Variants in KCNQ5 observed in about 807,000 individuals in gnomAD.
The protein encoded by KCNQ5 is potassium voltage-gated channel subfamily Q member 5.
In KCNQ5, 30 loss-of-function variants were observed where a neutral mutation model predicts 98.2. The ratio of observed to expected loss-of-function variants is 0.31; its 90% CI spans 0.23 to 0.41. KCNQ5 has a LOEUF of 0.41. Among genes scored for constraint, KCNQ5 ranks in the 10% least tolerant of loss-of-function variants. The pLI, the probability that KCNQ5 is intolerant of heterozygous loss-of-function variation, is 1.00. For synonymous variants in KCNQ5, 458 were observed against 449.4 expected, an observed-to-expected ratio of 1.02 and a Z score of -0.24; for missense variants, 835 against 1,182.5, an observed-to-expected ratio of 0.71 and a Z score of 4.31.
intron 10 of KCNQ5, among the ~76,000 whole-genome samples, chr6:73,166,193 G>A (rs1777787879): frequency 6.6e-6 from 1 of 152,048 alleles, no homozygotes; most frequent in Non-Finnish European, 1.5e-5. Context: ...AGCACTTTGG[G>A]AGGCCAAGGC....
intron 1 of KCNQ5, among the ~76,000 whole-genome samples, chr6:72,941,053 T>C (rs992234103): frequency 7.9e-5 from 12 of 152,224 alleles, no homozygotes; most frequent in African/African-American, 2.6e-4. Flanking sequence ...GATTCAGAAA[T>C]CCCTGTTCCA....
chr6:73,110,350 C>T (rs1032582083), intron 6 of KCNQ5, among the ~76,000 whole-genome samples: 4 of 152,128 alleles, frequency 2.6e-5, no homozygotes, highest in South Asian at 2.1e-4. Flanking sequence ...GCTCCAAAAG[C>T]CAACCCAAGG....
chr6:72,879,055 A>T (rs9342981), intron 1 of KCNQ5, among the ~76,000 whole-genome samples: 2 of 152,016 alleles, frequency 1.3e-5, no homozygotes, highest in African/African-American at 4.8e-5. Context: ...ATTTTTGACT[A>T]TAAGAGACAA....
At chr6:72,949,849 A>G (rs1278455037) in intron 1 of KCNQ5, among the ~76,000 whole-genome samples, 1 of 152,126 alleles carries the variant, frequency 6.6e-6, no homozygotes, top group East Asian at 1.9e-4. Flanking sequence ...CCCCCAATAA[A>G]CTAAATTTTT....
chr6:73,055,366 G>A, intron 3 of KCNQ5: 1 of 1,461,664 alleles, frequency 6.8e-7, no homozygotes, highest in South Asian at 1.1e-5. Context: ...AGCACTATGG[G>A]GCTCTAGCCG....
intron 1 of KCNQ5, among the ~76,000 whole-genome samples, chr6:72,740,128 C>T (rs1771054164): frequency 6.6e-6 from 1 of 152,206 alleles, no homozygotes; most frequent in South Asian, 2.1e-4. Flanking sequence ...CAATAAGTTT[C>T]AGTGTCTTCC....
intron 1 of KCNQ5, among the ~76,000 whole-genome samples, chr6:72,754,170 C>T (rs1771837397): frequency 6.6e-6 from 1 of 152,004 alleles, no homozygotes; most frequent in South Asian, 2.1e-4. Flanking sequence ...ACTTAAGGTG[C>T]CTTTTTTCAG....
In KCNQ5 at chr6:73,025,623, CAAAAAAAAAAA is replaced by C. The variant is rs58607159; in HGVS notation, c.490-16287_490-16277del. On this transcript the variant is annotated intron_variant, in intron 2 of 13. Coordinates refer to ENST00000370398, the MANE Select transcript of KCNQ5 (RefSeq NM_019842.4). ...GGGCGACAAGAGCAAAACTCCATCT[CAAAAAAAAAAA>C]AAAAAAAAAAAAAAAAAAAAAAAAA... 2.1e-3 allele frequency among the ~76,000 whole-genome samples: 113 copies of C among 52,962 alleles called. 1 individual carries two copies. Among genetic ancestry groups the C allele is most frequent in the South Asian group, 5.3e-3 (6 of 1,126 alleles). 34.7% of individuals were successfully genotyped at this position (52,962 alleles called of 152,430 possible).
At chr6:72,768,370 G>A (rs1039975810) in intron 1 of KCNQ5, among the ~76,000 whole-genome samples, 1 of 151,882 alleles carries the variant, frequency 6.6e-6, no homozygotes, top group African/African-American at 2.4e-5. Flanking sequence ...AGGTGAGGAA[G>A]GGAAGATAAC....
intron 1 of KCNQ5, among the ~76,000 whole-genome samples, chr6:72,855,598 G>A (rs892004132): frequency 6.6e-6 from 1 of 152,184 alleles, no homozygotes; most frequent in Non-Finnish European, 1.5e-5. Context: ...AGGAAATGAT[G>A]TTCATATGGT....
intron 1 of KCNQ5, among the ~76,000 whole-genome samples, chr6:72,821,335 T>C (rs914517959): frequency 2.6e-5 from 4 of 152,216 alleles, no homozygotes; most frequent in African/African-American, 9.7e-5. Flanking sequence ...AAGAGATCCA[T>C]CCTGAGTTCT....
intron 10 of KCNQ5, among the ~76,000 whole-genome samples, chr6:73,169,262 T>A (rs1192344140): frequency 6.6e-6 from 1 of 152,236 alleles, no homozygotes; most frequent in Non-Finnish European, 1.5e-5. Flanking sequence ...ATCCAGTAAC[T>A]AATAAGTAGT....
chr6:72,662,189 G>T lies in KCNQ5; in HGVS notation c.398+39602G>T, dbSNP rs559945811. Among the ~76,000 whole-genome samples the T allele has an allele frequency of 5.9e-5, 9 of 151,580 alleles. No individual in the cohort carries two copies. The Middle Eastern group carries it at 0.014, about 229-fold the overall frequency. On this transcript the variant is annotated intron_variant, in intron 1 of 13. Transcript: ENST00000370398. ...TTTATATCTTAAACCTTATTTTTTGGTGCAGCTGAGGAGAATAAATTCTAT... is the reference window on the plus strand; with the variant it reads ...TTTATATCTTAAACCTTATTTTTTGTTGCAGCTGAGGAGAATAAATTCTAT...
chr6:73,122,900 G>A (rs188791359), intron 8 of KCNQ5, among the ~76,000 whole-genome samples: 6 of 152,278 alleles, frequency 3.9e-5, no homozygotes. Flanking sequence ...GACTTAGAGG[G>A]ATCTTTTTAC....
At chr6:73,112,401 A>G (rs1775280500) in intron 7 of KCNQ5, among the ~76,000 whole-genome samples, 1 of 150,342 alleles carries the variant, frequency 6.7e-6, no homozygotes, top group Non-Finnish European at 1.5e-5. Flanking sequence ...GCTGGAGTGC[A>G]GTGGTGCGAT....
intron 10 of KCNQ5, among the ~76,000 whole-genome samples, chr6:73,164,335 A>G (rs1221097864): frequency 6.6e-6 from 1 of 152,214 alleles, no homozygotes; most frequent in Non-Finnish European, 1.5e-5. Flanking sequence ...CATGCCAGCA[A>G]AGATATATTT....
chr6:72,784,377 TG>T (rs1773633882), intron 1 of KCNQ5, among the ~76,000 whole-genome samples: 1 of 152,086 alleles, frequency 6.6e-6, no homozygotes, highest in Non-Finnish European at 1.5e-5. Flanking sequence ...GGATGAAAGA[TG>T]TAAGAGAAGC....
chr6:72,778,894 G>A (rs1773305998), intron 1 of KCNQ5, among the ~76,000 whole-genome samples: 1 of 152,182 alleles, frequency 6.6e-6, no homozygotes, highest in African/African-American at 2.4e-5. Flanking sequence ...TATAGAAGAG[G>A]TGCCACTATA....
intron 2 of KCNQ5, among the ~76,000 whole-genome samples, chr6:73,037,903 C>G (rs188657061): frequency 6.6e-6 from 1 of 152,058 alleles, no homozygotes; most frequent in East Asian, 1.9e-4. Flanking sequence ...GTATCTACCC[C>G]CCAAAAAAAA....
Sources: allele counts gnomAD v4.1 joint callset (sites outside exome capture counted in the v4.1 genomes callset), GRCh38; gene constraint gnomAD v4.1.1; transcripts MANE v1.5; gene names NCBI Gene and HGNC (gene_info 2026-07-23, HGNC 2026-07-21).